The following PGM5 variants were observed in gnomAD, a reference collection of about 807,000 sequenced individuals.
PGM5 encodes the protein phosphoglucomutase-like protein 5.
A neutral mutation model predicts 59.2 loss-of-function variants in PGM5; 23 were observed. That is an observed-to-expected ratio of 0.39 (90% CI 0.28 to 0.55). The LOEUF (loss-of-function observed/expected upper bound fraction) is 0.55, where lower values mean the gene tolerates loss of function less well. Among genes scored for constraint, PGM5 ranks in the 20% least tolerant of loss-of-function variants. PGM5 has a pLI of 0.66. For missense variants in PGM5, 574 were observed against 748.3 expected (o/e 0.77, Z 2.72); for synonymous variants, 214 against 286.0 (o/e 0.75, Z 2.54).
intron 10 of PGM5, among the ~76,000 whole-genome samples, chr9:68,512,905 TG>T (rs2132114236): frequency 6.6e-6 from 1 of 152,378 alleles, no homozygotes. Flanking sequence ...CTATAGGCAC[TG>T]TAATTGACTT....
intron 10 of PGM5, among the ~76,000 whole-genome samples, chr9:68,514,275 C>T (rs1824792856): frequency 6.6e-6 from 1 of 151,850 alleles, no homozygotes; most frequent in African/African-American, 2.4e-5. Flanking sequence ...TGAAGACCAG[C>T]ATGGGCAACT....
At chr9:68,508,065 T>C (rs1419346342) in intron 10 of PGM5, among the ~76,000 whole-genome samples, 3 of 152,228 alleles carry the variant, frequency 2.0e-5, no homozygotes, top group Non-Finnish European at 4.4e-5. Context: ...GTACTGAGTA[T>C]GTGAAGCCCT....
At chr9:68,529,194 T>C (rs1026541128) in intron 10 of PGM5, among the ~76,000 whole-genome samples, 3 of 151,626 alleles carry the variant, frequency 2.0e-5, no homozygotes, top group South Asian at 2.1e-4. Context: ...TGTGTGTGTG[T>C]GTGTGTGTGT....
At chr9:68,495,266 T>A (rs998209591) in intron 9 of PGM5, among the ~76,000 whole-genome samples, 4 of 152,040 alleles carry the variant, frequency 2.6e-5, no homozygotes, top group Admixed American at 6.6e-5. Flanking sequence ...ATAAGAAACA[T>A]AAATCAAGAC....
At chr9:68,426,703 T>C (rs1310343415) in intron 6 of PGM5, 2 of 152,046 alleles carry the variant, frequency 1.3e-5, no homozygotes, top group Admixed American at 6.6e-5. Flanking sequence ...TTAACTAACC[T>C]GTCTTTTGAG....
In PGM5 at chr9:68,465,138, A is replaced by G. The variant is rs901057164; in HGVS notation, c.1089A>G (p.Gly363=). Residue 363 remains glycine, a synonymous_variant, in exon 7 of 11, where the codon GGA becomes GGG. Coordinates refer to ENST00000396396, the MANE Select transcript of PGM5 (RefSeq NM_021965.4). ...TCCCTGTATATGAGACCCCAGCTGGATGGAGATTCTTCTCAAATCTGATGG... is the reference window on the plus strand; with the variant it reads ...TCCCTGTATATGAGACCCCAGCTGGGTGGAGATTCTTCTCAAATCTGATGG... The part of the protein sequence containing the change: ...MKVPVYETPA[G]WRFFSNLMDS... The G allele has an allele frequency of 1.9e-6, 3 of 1,613,442 alleles. No homozygotes were observed. Among genetic ancestry groups the G allele is most frequent in the Middle Eastern group, 3.3e-4 (2 of 6,054 alleles).
chr9:68,460,228 G>T (rs972498798), intron 6 of PGM5, among the ~76,000 whole-genome samples: 1 of 152,030 alleles, frequency 6.6e-6, no homozygotes, highest in Non-Finnish European at 1.5e-5. Flanking sequence ...ATGATATTCT[G>T]GTAGACTCTT....
intron 7 of PGM5, among the ~76,000 whole-genome samples, chr9:68,474,959 C>A (rs1252202319): frequency 6.7e-6 from 1 of 148,706 alleles, no homozygotes; most frequent in Non-Finnish European, 1.5e-5. Context: ...CTAGAAAAGG[C>A]ATGTTTTAAA....
At chr9:68,474,858 A>G (rs1296792570) in intron 7 of PGM5, among the ~76,000 whole-genome samples, 4 of 150,750 alleles carry the variant, frequency 2.7e-5, no homozygotes, top group African/African-American at 9.8e-5. Flanking sequence ...CTCTCAAGCC[A>G]TAAAAAGACA....
intron 1 of PGM5, among the ~76,000 whole-genome samples, chr9:68,367,149 G>A (rs1834694560): frequency 6.6e-6 from 1 of 152,034 alleles, no homozygotes; most frequent in African/African-American, 2.4e-5. Flanking sequence ...TACATGAGGT[G>A]GCAGCAGCTG....
At chr9:68,432,390 A>G (rs1044096300) in intron 6 of PGM5, among the ~76,000 whole-genome samples, 1 of 151,992 alleles carries the variant, frequency 6.6e-6, no homozygotes, top group South Asian at 2.1e-4. Context: ...TTGTAGAGAC[A>G]GGGTTTTGCC....
In PGM5 at chr9:68,465,127, A is replaced by T. The variant is rs1554685696; in HGVS notation, c.1078A>T (p.Thr360Ser). Residue 360 changes from threonine (T) to serine (S), a missense_variant, in exon 7 of 11, where the codon ACC becomes TCC. Thr to Ser is a moderately conservative substitution (Grantham distance 58). This residue lies in a region of PGM5 where 300 missense variants were observed against 280.0 expected (regional missense o/e 1.07). Transcript: ENST00000396396. Reference sequence around the variant, plus strand: ...ATCAATGAAGGTCCCTGTATATGAGACCCCAGCTGGATGGAGATTCTTCTC... The same window carrying T: ...ATCAATGAAGGTCCCTGTATATGAGTCCCCAGCTGGATGGAGATTCTTCTC... ...AKSMKVPVYE[T>S]PAGWRFFSNL... 1 of 1,612,810 alleles carries T rather than the reference A, an allele frequency of 6.2e-7. No homozygotes were observed. The highest frequency in any genetic ancestry group is 8.5e-7 in the Non-Finnish European group (1 of 1,178,964).
intron 10 of PGM5, among the ~76,000 whole-genome samples, chr9:68,529,226 G>A (rs866329460): frequency 4.6e-5 from 7 of 150,928 alleles, no homozygotes; most frequent in African/African-American, 1.7e-4. Flanking sequence ...GGATGAGGGT[G>A]TAGCAGCAGA....
intron 10 of PGM5, among the ~76,000 whole-genome samples, chr9:68,522,809 T>C (rs571612843): frequency 1.8e-4 from 28 of 152,196 alleles, no homozygotes; most frequent in Non-Finnish European, 3.5e-4. Context: ...GTAATGGATC[T>C]TTAGAGATAA....
intron 10 of PGM5, among the ~76,000 whole-genome samples, chr9:68,512,358 G>T (rs1415579356): frequency 1.3e-5 from 2 of 152,194 alleles, no homozygotes; most frequent in African/African-American, 4.8e-5. Flanking sequence ...AAATAGTTTA[G>T]GCTTTGCTAG....
chr9:68,427,893 T>C (rs780853519), intron 6 of PGM5, among the ~76,000 whole-genome samples: 2 of 152,176 alleles, frequency 1.3e-5, no homozygotes, highest in Non-Finnish European at 2.9e-5. Context: ...CTTGTTATTG[T>C]TCTCTGTGGA....
intron 1 of PGM5, among the ~76,000 whole-genome samples, chr9:68,374,039 G>C (rs1195020583): frequency 1.3e-4 from 20 of 152,302 alleles, no homozygotes; most frequent in African/African-American, 4.6e-4. Flanking sequence ...TAGATGCAAG[G>C]GTGGGTTGGA....
At chr9:68,523,179 C>T (rs1824923688) in intron 10 of PGM5, among the ~76,000 whole-genome samples, 1 of 152,210 alleles carries the variant, frequency 6.6e-6, no homozygotes, top group African/African-American at 2.4e-5. Context: ...CTGGTCCAAT[C>T]AGCTGCAGCC....
At chr9:68,431,210 C>G (rs1823340927) in intron 6 of PGM5, among the ~76,000 whole-genome samples, 1 of 152,216 alleles carries the variant, frequency 6.6e-6, no homozygotes, top group African/African-American at 2.4e-5. Flanking sequence ...CACAGCCCAT[C>G]TGGAGCCCTT....
Sources: gnomAD v4.1 joint callset for allele counts (sites outside exome capture counted in the v4.1 genomes callset) on GRCh38, gnomAD v4.1.1 for gene constraint, gnomAD v4.1.1 regional missense constraint, MANE v1.5 for transcripts, NCBI Gene and HGNC (gene_info 2026-07-23, HGNC 2026-07-21) for gene names.